BLOC1S5: variants seen among roughly 807,000 people sequenced by gnomAD.
BLOC1S5 encodes the protein biogenesis of lysosome-related organelles complex 1 subunit 5.
In BLOC1S5, 27 loss-of-function variants were observed where a neutral mutation model predicts 24.3. The observed-to-expected ratio is 1.11, with a 90% CI of 0.82 to 1.53. BLOC1S5 has a LOEUF of 1.53. Ranked by LOEUF, BLOC1S5 falls within the 40% of genes most tolerant of loss-of-function variation. The pLI is 0.00. For synonymous variants in BLOC1S5, 84 were observed against 74.5 expected, an observed-to-expected ratio of 1.13 and a Z score of -0.66; for missense variants, 239 against 229.4, an observed-to-expected ratio of 1.04 and a Z score of -0.27.
At chr6:8,027,777 C>T (rs1245278440) in intron 3 of BLOC1S5, among the ~76,000 whole-genome samples, 11 of 148,814 alleles carry the variant, frequency 7.4e-5, no homozygotes, top group African/African-American at 1.2e-4. Flanking sequence ...GAGCCAAGAT[C>T]GTGCCACTGC....
At chr6:8,044,232 C>A (rs1581420563) in intron 2 of BLOC1S5, among the ~76,000 whole-genome samples, 1 of 129,768 alleles carries the variant, frequency 7.7e-6, no homozygotes, top group Non-Finnish European at 1.6e-5. Context: ...TACAGTGAGC[C>A]AAGATTGTGC....
At chr6:8,023,159 CAAT>C (rs1762985922) in intron 4 of BLOC1S5, among the ~76,000 whole-genome samples, 1 of 152,104 alleles carries the variant, frequency 6.6e-6, no homozygotes, top group Non-Finnish European at 1.5e-5. Context: ...TTTTATAAGG[CAAT>C]AATATTTTCA....
intron 2 of BLOC1S5, among the ~76,000 whole-genome samples, chr6:8,055,390 G>A (rs1764272609): frequency 6.6e-6 from 1 of 152,198 alleles, no homozygotes; most frequent in Non-Finnish European, 1.5e-5. Flanking sequence ...AGCCGAGATT[G>A]TACCACTGCA....
chr6:8,029,112 AGT>A (rs1331049154), intron 3 of BLOC1S5, among the ~76,000 whole-genome samples: 66 of 152,082 alleles, frequency 4.3e-4, no homozygotes, highest in African/African-American at 1.5e-3. Context: ...GGTGTCTATA[AGT>A]AAACCTCAAA....
chr6:8,027,535 T>C (rs1248599780), intron 3 of BLOC1S5: 5 of 423,920 alleles, frequency 1.2e-5, no homozygotes, highest in African/African-American at 2.0e-5. Context: ...TAGTTCTTCA[T>C]ATAAAATAAG....
chr6:8,062,423 T>C (rs1197107259), intron 2 of BLOC1S5, 111 bp downstream of exon 2: 1 of 684,440 alleles, frequency 1.5e-6, no homozygotes, highest in African/African-American at 1.8e-5. Context: ...TTTGTATATT[T>C]TATGAACACA....
chr6:8,018,557 T>G (rs117930409), intron 4 of BLOC1S5, among the ~76,000 whole-genome samples: 1 of 152,188 alleles, frequency 6.6e-6, no homozygotes, highest in Admixed American at 6.5e-5. Flanking sequence ...AAACGGAGCT[T>G]TGGCAGGCAT....
chr6:8,032,981 C>T (rs555914366), intron 3 of BLOC1S5, among the ~76,000 whole-genome samples: 1 of 152,216 alleles, frequency 6.6e-6, no homozygotes, highest in Admixed American at 6.5e-5. Flanking sequence ...TAAAAGAAGA[C>T]ACAAACAAAT....
intron 3 of BLOC1S5, among the ~76,000 whole-genome samples, chr6:8,040,481 T>G (rs1763639373): frequency 1.3e-5 from 2 of 152,212 alleles, no homozygotes; most frequent in South Asian, 2.1e-4. Context: ...ACTTCACCAT[T>G]TACTAAACAG....
At chr6:8,022,094 G>A (rs982414387) in intron 4 of BLOC1S5, among the ~76,000 whole-genome samples, 1 of 151,936 alleles carries the variant, frequency 6.6e-6, no homozygotes, top group Non-Finnish European at 1.5e-5. Context: ...TATAAAAGAA[G>A]TCTGGATTAC....
chr6:8,032,238 A>C (rs1019497615), intron 3 of BLOC1S5, among the ~76,000 whole-genome samples: 10 of 152,246 alleles, frequency 6.6e-5, no homozygotes, highest in African/African-American at 2.4e-4. Flanking sequence ...TAATATGCAG[A>C]GTCTACAAAG....
At chr6:8,024,514 C>CAAAAAA (rs60853006) in intron 4 of BLOC1S5, among the ~76,000 whole-genome samples, 102 of 65,486 alleles carry the variant, frequency 1.6e-3, no homozygotes, top group East Asian at 3.1e-3. Context: ...GACTCCATCT[C>CAAAAAA]AAAAAAAAAA....
intron 2 of BLOC1S5, among the ~76,000 whole-genome samples, chr6:8,056,310 G>A (rs540945162): frequency 4.4e-4 from 67 of 152,278 alleles, no homozygotes; most frequent in African/African-American, 1.4e-3. Context: ...AAGTCCCTCT[G>A]CATTCTTTCC....
chr6:8,052,227 A>T (rs1313461805), intron 2 of BLOC1S5, among the ~76,000 whole-genome samples: 1 of 152,124 alleles, frequency 6.6e-6, no homozygotes, highest in African/African-American at 2.4e-5. Flanking sequence ...TCGGCCTCCC[A>T]AAGTGCTGGG....
chr6:8,041,264 T>G lies in BLOC1S5; in HGVS notation c.200A>C (p.Lys67Thr). ...TRYFVKEFEE[K>T]RGLREMRVLE... ...AACTCGCATTTCTCGAAGACCACGTTTTTCCTATTAAAAGAAAGTAGATGA... is the reference window on the plus strand; with the variant it reads ...AACTCGCATTTCTCGAAGACCACGTGTTTCCTATTAAAAGAAAGTAGATGA... The change falls in exon 3 of 5, where the codon AAA becomes ACA. Residue 67 changes from lysine (K) to threonine (T), a missense_variant. Transcript: ENST00000397457. 6.2e-7 allele frequency: 1 copy of G among 1,608,014 alleles called. No homozygotes were observed. The highest frequency in any genetic ancestry group is 1.1e-5 in the South Asian group (1 of 89,648).
intron 2 of BLOC1S5, among the ~76,000 whole-genome samples, chr6:8,057,260 A>C (rs1342699123): frequency 6.6e-6 from 1 of 152,040 alleles, no homozygotes; most frequent in African/African-American, 2.4e-5. Flanking sequence ...AAAAAACCCC[A>C]AAAAACCCAT....
intron 3 of BLOC1S5, 56 bp from the exon 4 acceptor site, chr6:8,026,481 T>C (rs1763110222): frequency 4.4e-6 from 6 of 1,361,274 alleles, no homozygotes; most frequent in Admixed American, 3.4e-5. Flanking sequence ...AGGAAACACA[T>C]ACCTGGGGGA....
chr6:8,051,726 T>C (rs1248569119), intron 2 of BLOC1S5, among the ~76,000 whole-genome samples: 1 of 152,176 alleles, frequency 6.6e-6, no homozygotes, highest in Non-Finnish European at 1.5e-5. Context: ...CCAAAAATCC[T>C]AGGGTCATAA....
chr6:8,024,296 C>T (rs1161604852), intron 4 of BLOC1S5, among the ~76,000 whole-genome samples: 5 of 151,774 alleles, frequency 3.3e-5, no homozygotes, highest in Admixed American at 2.6e-4. Flanking sequence ...GAGGCCGAGG[C>T]GGGTGGATCA....
Sources: gnomAD v4.1 joint callset for allele counts (sites outside exome capture counted in the v4.1 genomes callset) on GRCh38, gnomAD v4.1.1 for gene constraint, MANE v1.5 for transcripts, NCBI Gene and HGNC (gene_info 2026-07-23, HGNC 2026-07-21) for gene names.